The following MAP2K4 variants were observed in gnomAD, a reference collection of about 807,000 sequenced individuals.
MAP2K4 encodes the protein dual specificity mitogen-activated protein kinase kinase 4.
MAP2K4 carries 4 observed loss-of-function variants against 48.5 expected under a neutral mutation model. The observed-to-expected ratio is 0.08, with a 90% CI of 0.04 to 0.19. The LOEUF is 0.19. MAP2K4 is among the 10% of genes least tolerant of loss of function. The pLI, the probability that MAP2K4 is intolerant of heterozygous loss-of-function variation, is 1.00. For synonymous variants in MAP2K4, 166 were observed against 173.1 expected, an observed-to-expected ratio of 0.96 and a Z score of 0.32; for missense variants, 258 against 493.3, an observed-to-expected ratio of 0.52 and a Z score of 4.52.
chr17:12,095,270 A>G (rs765614904), intron 3 of MAP2K4, among the ~76,000 whole-genome samples: 1 of 152,162 alleles, frequency 6.6e-6, no homozygotes, highest in Non-Finnish European at 1.5e-5. Context: ...TTATATTTGC[A>G]TGTGGGGGTT....
chr17:12,123,232 C>CT (rs1388432402), intron 7 of MAP2K4, among the ~76,000 whole-genome samples: 3 of 152,184 alleles, frequency 2.0e-5, no homozygotes, highest in African/African-American at 7.2e-5. Flanking sequence ...GTGAGCCCAT[C>CT]TGGGTGTGGA....
chr17:12,090,841 T>C (rs1971538768), intron 3 of MAP2K4, among the ~76,000 whole-genome samples: 1 of 152,210 alleles, frequency 6.6e-6, no homozygotes, highest in South Asian at 2.1e-4. Context: ...TCTTTGCTCT[T>C]CCACTCCAGT....
At chr17:12,095,923 G>GTGTGTA (rs1555548595) in intron 4 of MAP2K4, among the ~76,000 whole-genome samples, 10 of 148,946 alleles carry the variant, frequency 6.7e-5, no homozygotes, top group Non-Finnish European at 1.0e-4. Flanking sequence ...GTGTGTGTGT[G>GTGTGTA]TGTGTATTTT....
At chr17:12,030,068 T>C (rs973778016) in intron 1 of MAP2K4, among the ~76,000 whole-genome samples, 7 of 152,182 alleles carry the variant, frequency 4.6e-5, no homozygotes, top group African/African-American at 1.4e-4. Context: ...TGTGCAAGAC[T>C]GTTGCTTGTC....
chr17:12,137,496 A>C (rs181275316), intron 9 of MAP2K4, among the ~76,000 whole-genome samples: 10 of 152,350 alleles, frequency 6.6e-5, no homozygotes, highest in Admixed American at 6.5e-4. Context: ...TAAAAGACAC[A>C]ACAGACTTGA....
intron 4 of MAP2K4, among the ~76,000 whole-genome samples, chr17:12,097,984 C>G (rs537039707): frequency 6.6e-6 from 1 of 152,216 alleles, no homozygotes; most frequent in African/African-American, 2.4e-5. Flanking sequence ...AGAATGCAGT[C>G]TGTAATAGGT....
chr17:12,102,343 T>C (rs1188109423), intron 4 of MAP2K4, among the ~76,000 whole-genome samples: 3 of 152,166 alleles, frequency 2.0e-5, no homozygotes, highest in African/African-American at 4.8e-5. Context: ...ACATAGCTTT[T>C]ATTTCTGGGA....
At chr17:12,024,426 A>G (rs1456880803) in intron 1 of MAP2K4, among the ~76,000 whole-genome samples, 1 of 152,202 alleles carries the variant, frequency 6.6e-6, no homozygotes, top group East Asian at 1.9e-4. Flanking sequence ...TTATTACTCA[A>G]AAGATTTGAG....
intron 1 of MAP2K4, among the ~76,000 whole-genome samples, chr17:12,039,507 A>G (rs1383578018): frequency 6.6e-6 from 1 of 152,234 alleles, no homozygotes; most frequent in African/African-American, 2.4e-5. Flanking sequence ...TCTTCCCTCC[A>G]GCTATCTCTG....
At chr17:12,121,699 G>T (rs1246533371) in intron 7 of MAP2K4, among the ~76,000 whole-genome samples, 5 of 152,080 alleles carry the variant, frequency 3.3e-5, no homozygotes, top group Admixed American at 2.6e-4. Flanking sequence ...TTTTCAGAAG[G>T]TCTCGCATTC....
chr17:12,059,709 G>T (rs1325786599), intron 2 of MAP2K4, among the ~76,000 whole-genome samples: 1 of 152,170 alleles, frequency 6.6e-6, no homozygotes. Flanking sequence ...AGACTCAGTT[G>T]TGCTATAGAA....
intron 9 of MAP2K4, among the ~76,000 whole-genome samples, chr17:12,132,343 G>A (rs1973055518): frequency 6.6e-6 from 1 of 152,180 alleles, no homozygotes; most frequent in Admixed American, 6.5e-5. Context: ...CTCCACAGTA[G>A]AACAGATAAT....
At chr17:12,128,224 C>T (rs575259330) in intron 8 of MAP2K4, among the ~76,000 whole-genome samples, 1 of 152,230 alleles carries the variant, frequency 6.6e-6, no homozygotes, top group African/African-American at 2.4e-5. Flanking sequence ...ACTACAGGCG[C>T]CTGCCACCAC....
At chr17:12,047,437 A>G (rs1970003399) in intron 1 of MAP2K4, among the ~76,000 whole-genome samples, 1 of 152,202 alleles carries the variant, frequency 6.6e-6, no homozygotes, top group Non-Finnish European at 1.5e-5. Context: ...GCGCTAAGGC[A>G]GAGAGGTGAA....
chr17:12,104,085 C>T (rs973382111), intron 4 of MAP2K4, among the ~76,000 whole-genome samples: 1 of 152,072 alleles, frequency 6.6e-6, no homozygotes. Context: ...ACTGGAGTAC[C>T]GACTTAAATT....
At chr17:12,119,166 C>T (rs771232984) in intron 7 of MAP2K4, among the ~76,000 whole-genome samples, 2 of 152,098 alleles carry the variant, frequency 1.3e-5, no homozygotes, top group Non-Finnish European at 2.9e-5. Context: ...AGACAAAGTG[C>T]ACATTCTGCA....
At chr17:12,083,219 G>C (rs1039456628) in intron 3 of MAP2K4, among the ~76,000 whole-genome samples, 2 of 152,088 alleles carry the variant, frequency 1.3e-5, no homozygotes, top group African/African-American at 2.4e-5. Context: ...AGGTAAAGAG[G>C]GTACTTCCTT....
intron 2 of MAP2K4, among the ~76,000 whole-genome samples, chr17:12,073,589 T>A (rs1484272366): frequency 6.6e-6 from 1 of 152,106 alleles, no homozygotes; most frequent in Non-Finnish European, 1.5e-5. Flanking sequence ...AAGGATAATC[T>A]TCTTTTTCTT....
chr17:12,031,002 G>C (rs558865241), intron 1 of MAP2K4, among the ~76,000 whole-genome samples: 74 of 152,286 alleles, frequency 4.9e-4, no homozygotes, highest in African/African-American at 1.8e-3. Context: ...GCTTAGGCTT[G>C]TAAGACCCAT....
Sources: gnomAD v4.1 joint callset for allele counts (sites outside exome capture counted in the v4.1 genomes callset) on GRCh38, gnomAD v4.1.1 for gene constraint, MANE v1.5 for transcripts, NCBI Gene and HGNC (gene_info 2026-07-23, HGNC 2026-07-21) for gene names.